Variants in SMG1 observed in about 807,000 individuals in gnomAD.
SMG1 encodes serine/threonine-protein kinase SMG1.
SMG1 carries 22 observed loss-of-function variants against 419.9 expected under a neutral mutation model. That is an observed-to-expected ratio of 0.05 (90% CI 0.04 to 0.07). SMG1 has a LOEUF of 0.07. Among genes scored for constraint, SMG1 ranks in the 10% least tolerant of loss-of-function variants. The pLI is 1.00. For missense variants in SMG1, 3,185 were observed against 4,342.0 expected (o/e 0.73, Z 7.49); for synonymous variants, 1,538 against 1,553.5 (o/e 0.99, Z 0.23).
chr16:18,833,877 T>TG (rs1388362048), intron 50 of SMG1, among the ~76,000 whole-genome samples: 23 of 152,324 alleles, frequency 1.5e-4, no homozygotes, highest in Admixed American at 4.6e-4. Context: ...GTCATACATG[T>TG]GGCTGTATGT....
At chr16:18,875,839 G>C in intron 13 of SMG1, 2 of 480,840 alleles carry the variant, frequency 4.2e-6, no homozygotes, top group South Asian at 3.4e-5. Flanking sequence ...TTTTCTATAA[G>C]CATGCTAGAG....
chr16:18,898,291 C>A (rs2037213941), intron 1 of SMG1, among the ~76,000 whole-genome samples: 1 of 152,130 alleles, frequency 6.6e-6, no homozygotes, highest in Non-Finnish European at 1.5e-5. Context: ...TCATGAAATT[C>A]AAAACCTAGC....
intron 45 of SMG1, 111 bp downstream of exon 45, chr16:18,837,903 C>CA: frequency 1.8e-6 from 2 of 1,090,982 alleles, no homozygotes; most frequent in Non-Finnish European, 2.7e-6. Flanking sequence ...CAATATTATA[C>CA]ATTAGTTTTG....
rs545411621 is a variant in SMG1, at chr16:18,815,858, G to A, written c.10303-207C>T. On this transcript the variant is annotated intron_variant, in intron 58 of 62. Coordinates refer to ENST00000446231, the MANE Select transcript of SMG1 (RefSeq NM_015092.5). The stretch of plus-strand genomic sequence containing the variant: ...AAATTCTAAAATTAAATTATTTACT[G>A]TTTGTAATGATGAAGTAATAGCCTT... 2.7e-3 allele frequency: 1,490 copies of A among 557,672 alleles called. 5 individuals carry two copies. The highest frequency in any genetic ancestry group is 3.4e-3 in the Non-Finnish European group (1,083 of 320,012). 34.5% of individuals were successfully genotyped at this position (557,672 alleles called of 1,614,324 possible).
intron 45 of SMG1, 93 bp from the exon 46 acceptor site, chr16:18,837,536 T>C: frequency 3.5e-6 from 4 of 1,135,460 alleles, no homozygotes; most frequent in Non-Finnish European, 5.0e-6. Flanking sequence ...CCTACTTAAA[T>C]CTCTACAAAA....
At chr16:18,908,966 T>C (rs2037690098) in intron 1 of SMG1, among the ~76,000 whole-genome samples, 1 of 152,196 alleles carries the variant, frequency 6.6e-6, no homozygotes, top group African/African-American at 2.4e-5. Context: ...AAAGTTCCTT[T>C]AGCCAACAGG....
At chr16:18,916,089 ACC>A (rs1567462549) in intron 1 of SMG1, among the ~76,000 whole-genome samples, 13 of 110,232 alleles carry the variant, frequency 1.2e-4, no homozygotes, top group African/African-American at 3.4e-4. Context: ...AAAAAAAAAA[ACC>A]AGAAAAAAAA....
chr16:18,908,029 GCTGAAAATGTACAAAGATATGCATCC>G lies in SMG1; in HGVS notation c.93-11099_93-11074del, dbSNP rs1399915834. On this transcript the variant is annotated intron_variant, in intron 1 of 62. Transcript: ENST00000446231. ...CTTTAATAGATGAAGGACAAAAAAG[GCTGAAAATGTACAAAGATATGCATCC>G]CTCCCCGACCAGTTAAATGCCAAAC... Among the ~76,000 whole-genome samples the G allele has an allele frequency of 2.0e-5, 3 of 151,790 alleles. No homozygotes were observed. In the East Asian group the frequency reaches 5.8e-4, roughly 29 times the overall value.
chr16:18,846,313 CCA>C (rs2141344171), intron 38 of SMG1, among the ~76,000 whole-genome samples: 1 of 152,170 alleles, frequency 6.6e-6, no homozygotes, highest in East Asian at 1.9e-4. Context: ...TTTCATGACC[CCA>C]GACTTGGCAA....
chr16:18,920,112 T>C (rs1339771027), intron 1 of SMG1, among the ~76,000 whole-genome samples: 2 of 151,646 alleles, frequency 1.3e-5, no homozygotes, highest in African/African-American at 2.4e-5. Context: ...CCGGGTGCAG[T>C]GGCACACACC....
At chr16:18,922,417 T>G (rs1433217470) in intron 1 of SMG1, among the ~76,000 whole-genome samples, 4 of 152,178 alleles carry the variant, frequency 2.6e-5, no homozygotes, top group Non-Finnish European at 5.9e-5. Context: ...AACTTTACGC[T>G]TGAGGAACCC....
In SMG1 at chr16:18,868,187, T is replaced by C; in HGVS notation, c.3195+3A>G. 1 of 1,578,248 alleles carries C rather than the reference T, an allele frequency of 6.3e-7. No individual in the cohort carries two copies. Among genetic ancestry groups the C allele is most frequent in the Non-Finnish European group, 8.5e-7 (1 of 1,169,988 alleles). ...AAAATGAATTTCAAACACACCACAT[T>C]ACCTGAGATAGGCTGGTTGTTTTCA... On this transcript the variant is annotated splice_donor_region_variant and intron_variant, in intron 22 of 62. Transcript: ENST00000446231.
At chr16:18,884,205 G>C in intron 8 of SMG1, 38 bp from the exon 9 acceptor site, 1 of 1,041,918 alleles carries the variant, frequency 9.6e-7, no homozygotes, top group South Asian at 1.4e-5. Flanking sequence ...GGGTAGGGGG[G>C]AAAAAAACAC....
intron 38 of SMG1, among the ~76,000 whole-genome samples, chr16:18,846,827 C>G (rs1334936186): frequency 6.6e-6 from 1 of 152,184 alleles, no homozygotes; most frequent in Non-Finnish European, 1.5e-5. Context: ...CTCAGTAAGT[C>G]AGACGTAGAA....
At chr16:18,809,718 A>G (rs1373314775) in intron 62 of SMG1, 72 bp from the exon 63 acceptor site, 8 of 1,257,980 alleles carry the variant, frequency 6.4e-6, no homozygotes, top group Non-Finnish European at 6.8e-6. Context: ...TACAATCAGC[A>G]GACAAATTAT....
At chr16:18,896,236 AAT>A (rs1469912469) in intron 2 of SMG1, 29 bp from the exon 3 acceptor site, 1 of 1,237,530 alleles carries the variant, frequency 8.1e-7, no homozygotes, top group African/African-American at 1.5e-5. Flanking sequence ...ACGTTATTTA[AAT>A]ATGATTGTTC....
chr16:18,899,334 A>AT (rs1334473121), intron 1 of SMG1, among the ~76,000 whole-genome samples: 60 of 152,136 alleles, frequency 3.9e-4, no homozygotes, highest in Admixed American at 2.7e-3. Flanking sequence ...GAACACTGAG[A>AT]TTTTTTTCCC....
intron 54 of SMG1, among the ~76,000 whole-genome samples, chr16:18,828,657 GAAAT>G (rs993767855): frequency 1.3e-5 from 2 of 152,184 alleles, no homozygotes; most frequent in African/African-American, 2.4e-5. Flanking sequence ...AACTACTTTA[GAAAT>G]AAATACAGGA....
Position 18,838,417 on chromosome 16 carries a change from G to A in SMG1, c.7134C>T (p.Asn2378=). Residue 2378 remains asparagine (N), a synonymous_variant, in exon 44 of 63, where the codon AAC becomes AAT. Transcript: ENST00000446231. ...CAGTTACACCCAGTGCTGTTTCAAT[G>A]TTTTGTGTCATTCGAAAAGGTACTT... ...PEKVPFRMTQ[N]IETALGVTGV... The A allele has an allele frequency of 1.1e-5, 17 of 1,613,880 alleles. No homozygotes were observed. The highest frequency in any genetic ancestry group is 1.4e-5 in the Non-Finnish European group (17 of 1,179,864).
Sources: gnomAD v4.1 joint callset for allele counts (sites outside exome capture counted in the v4.1 genomes callset) on GRCh38, gnomAD v4.1.1 for gene constraint, MANE v1.5 for transcripts, NCBI Gene and HGNC (gene_info 2026-07-23, HGNC 2026-07-21) for gene names.